Variants in TGFB2 observed in about 807,000 individuals in gnomAD.
TGFB2 encodes the protein transforming growth factor beta-2 proprotein.
A neutral mutation model predicts 42.7 loss-of-function variants in TGFB2; 13 were observed. The ratio of observed to expected loss-of-function variants is 0.30; its 90% CI spans 0.20 to 0.48. The LOEUF is 0.48. TGFB2 is among the 20% of genes least tolerant of loss of function. The probability of loss-of-function intolerance (pLI) is 0.99; values close to 1 mark genes in which losing one functional copy is unlikely to be tolerated. For synonymous variants in TGFB2, 193 were observed against 193.6 expected (o/e 1.00, Z 0.03); for missense variants, 390 against 517.5 (o/e 0.75, Z 2.39).
At chr1:218,400,671 A>G (rs1204271974) in intron 1 of TGFB2, among the ~76,000 whole-genome samples, 1 of 152,192 alleles carries the variant, frequency 6.6e-6, no homozygotes, top group Non-Finnish European at 1.5e-5. Context: ...TATTGAAAAC[A>G]TTTTAAAAAA....
At chr1:218,359,822 A>T (rs745697169) in intron 1 of TGFB2, among the ~76,000 whole-genome samples, 1 of 152,194 alleles carries the variant, frequency 6.6e-6, no homozygotes, top group Admixed American at 6.5e-5. Flanking sequence ...TAGGGAGTTT[A>T]GTTGTACATT....
chr1:218,377,680 C>T (rs1657788572), intron 1 of TGFB2, among the ~76,000 whole-genome samples: 1 of 147,328 alleles, frequency 6.8e-6, no homozygotes, highest in East Asian at 2.2e-4. Context: ...CCGTCTTGCC[C>T]CACCCCCGAC....
chr1:218,436,215 T>C, intron 5 of TGFB2, 68 bp downstream of exon 5: 1 of 1,545,508 alleles, frequency 6.5e-7, no homozygotes. Flanking sequence ...TGCCCTTTCT[T>C]TTACTGTGTA....
At chr1:218,419,047 A>G (rs914940029) in intron 2 of TGFB2, among the ~76,000 whole-genome samples, 1 of 152,194 alleles carries the variant, frequency 6.6e-6, no homozygotes, top group Non-Finnish European at 1.5e-5. Context: ...TCCTGATAAA[A>G]TATTGGTCAG....
intron 5 of TGFB2, 86 bp downstream of exon 5, chr1:218,436,233 A>G: frequency 7.1e-7 from 1 of 1,418,422 alleles, no homozygotes; most frequent in Non-Finnish European, 9.6e-7. Flanking sequence ...GTATTGACCC[A>G]AGTGGAACTC....
At chr1:218,397,706 C>A (rs1658571203) in intron 1 of TGFB2, among the ~76,000 whole-genome samples, 1 of 152,076 alleles carries the variant, frequency 6.6e-6, no homozygotes, top group South Asian at 2.1e-4. Context: ...AAAATGCAGA[C>A]CACCATCCAT....
At chr1:218,401,529 C>A (rs1658720013) in intron 1 of TGFB2, among the ~76,000 whole-genome samples, 1 of 151,984 alleles carries the variant, frequency 6.6e-6, no homozygotes, top group African/African-American at 2.4e-5. Context: ...GAAGGAAAAT[C>A]GATTTGATTG....
At chr1:218,405,538 A>T (rs965207514) in intron 2 of TGFB2, 15 of 880,748 alleles carry the variant, frequency 1.7e-5, no homozygotes, top group African/African-American at 1.3e-4. Flanking sequence ...TTATCTTTTT[A>T]AAAAACTTTT....
intron 1 of TGFB2, among the ~76,000 whole-genome samples, chr1:218,352,473 G>A (rs1656901734): frequency 6.6e-6 from 1 of 152,098 alleles, no homozygotes; most frequent in Non-Finnish European, 1.5e-5. Flanking sequence ...GGAATTCAAC[G>A]TTCTCCAGGT....
At chr1:218,375,471 G>A (rs968358153) in intron 1 of TGFB2, among the ~76,000 whole-genome samples, 3 of 148,744 alleles carry the variant, frequency 2.0e-5, no homozygotes, top group African/African-American at 7.4e-5. Flanking sequence ...TTTCTTAATG[G>A]TTCTTCAAAA....
intron 5 of TGFB2, 106 bp from the exon 6 acceptor site, chr1:218,437,237 A>G: frequency 8.7e-7 from 1 of 1,156,016 alleles, no homozygotes; most frequent in Non-Finnish European, 1.2e-6. Flanking sequence ...ATGTTTGTTG[A>G]ATAAATGAAT....
intron 1 of TGFB2, among the ~76,000 whole-genome samples, chr1:218,350,430 TA>T (rs1276470996): frequency 6.6e-6 from 1 of 152,204 alleles, no homozygotes; most frequent in Non-Finnish European, 1.5e-5. Context: ...AACCATCCTA[TA>T]ATGCATAGGG....
chr1:218,422,005 C>T (rs1659469322), intron 2 of TGFB2, among the ~76,000 whole-genome samples: 1 of 152,074 alleles, frequency 6.6e-6, no homozygotes, highest in Non-Finnish European at 1.5e-5. Context: ...CTTCTAGCCC[C>T]CAGATTTGTG....
chr1:218,401,130 C>T (rs1658704404), intron 1 of TGFB2, among the ~76,000 whole-genome samples: 2 of 151,976 alleles, frequency 1.3e-5, no homozygotes, highest in East Asian at 1.9e-4. Context: ...GTGCTGGCCA[C>T]ACGCTCATGA....
intron 1 of TGFB2, among the ~76,000 whole-genome samples, chr1:218,376,503 C>G (rs1295816756): frequency 6.6e-6 from 1 of 152,170 alleles, no homozygotes; most frequent in Non-Finnish European, 1.5e-5. Context: ...GGATGAGTCC[C>G]TCTTGGAAGA....
intron 1 of TGFB2, among the ~76,000 whole-genome samples, chr1:218,355,500 C>G (rs1344092286): frequency 6.6e-6 from 1 of 152,204 alleles, no homozygotes; most frequent in Non-Finnish European, 1.5e-5. Context: ...CAACTTGGCT[C>G]TCTCAGTGCA....
intron 1 of TGFB2, among the ~76,000 whole-genome samples, chr1:218,395,775 C>A (rs571151587): frequency 2.0e-5 from 3 of 152,060 alleles, no homozygotes; most frequent in African/African-American, 7.2e-5. Context: ...CCACACCTGG[C>A]TAATTTTGTT....
Position 218,356,701 on chromosome 1 carries a change from TCTC to T in TGFB2, c.346+9658_346+9660del, listed in dbSNP as rs1221947616. On this transcript the variant is annotated intron_variant, in intron 1 of 6. Coordinates refer to ENST00000366930, the MANE Select transcript of TGFB2 (RefSeq NM_003238.6). ...ATGTGCTTCTGGGGCTGGTTTCGCT[TCTC>T]CTCACAGGTGTCCTGTCTCTCATCA... Among the ~76,000 whole-genome samples, 3 of 152,092 alleles carry T rather than the reference TCTC, an allele frequency of 2.0e-5. No homozygotes were observed. In the East Asian group the frequency reaches 5.8e-4, roughly 29 times the overall value.
intron 1 of TGFB2, among the ~76,000 whole-genome samples, chr1:218,369,516 G>A (rs1214546491): frequency 6.6e-6 from 1 of 152,132 alleles, no homozygotes; most frequent in African/African-American, 2.4e-5. Flanking sequence ...ATAGTCCTTA[G>A]TTATTGGCAA....
Sources: gnomAD v4.1 joint callset for allele counts (sites outside exome capture counted in the v4.1 genomes callset) on GRCh38, gnomAD v4.1.1 for gene constraint, MANE v1.5 for transcripts, NCBI Gene and HGNC (gene_info 2026-07-23, HGNC 2026-07-21) for gene names.